The following SYT6 variants were observed in gnomAD, a reference collection of about 807,000 sequenced individuals.
SYT6 encodes synaptotagmin 6.
Under a neutral mutation model 38.4 loss-of-function variants are expected in SYT6, and 24 were observed. The observed-to-expected ratio is 0.62, with a 90% CI of 0.45 to 0.88. SYT6 has a LOEUF of 0.88. SYT6 is among the 40% of genes least tolerant of loss of function. The probability of loss-of-function intolerance (pLI) is 0.00; values close to 1 mark genes in which losing one functional copy is unlikely to be tolerated. For missense variants in SYT6, 611 were observed against 621.0 expected (o/e 0.98, Z 0.17); for synonymous variants, 265 against 241.9 (o/e 1.10, Z -0.89).
At chr1:114,120,540 A>G (rs539787954) in intron 3 of SYT6, among the ~76,000 whole-genome samples, 35 of 152,316 alleles carry the variant, frequency 2.3e-4, no homozygotes, top group African/African-American at 7.2e-4. Flanking sequence ...CGCATGTCCT[A>G]TGAGCTAGCT....
intron 3 of SYT6, among the ~76,000 whole-genome samples, chr1:114,118,569 G>A (rs374885715): frequency 6.6e-6 from 1 of 152,230 alleles, no homozygotes; most frequent in Middle Eastern, 3.2e-3. Context: ...CATCTGGGGA[G>A]GCCACAGCAC....
intron 1 of SYT6, among the ~76,000 whole-genome samples, chr1:114,151,753 G>T (rs1414730884): frequency 6.6e-6 from 1 of 152,134 alleles, no homozygotes; most frequent in Non-Finnish European, 1.5e-5. Flanking sequence ...GCAGGAAGAG[G>T]CTCCCTGATA....
intron 1 of SYT6, among the ~76,000 whole-genome samples, chr1:114,149,240 T>TGTGTGTGTGCGCGCGCGCGCGCGTG (rs369263313): frequency 6.8e-6 from 1 of 146,888 alleles, no homozygotes; most frequent in Admixed American, 6.8e-5. Context: ...TGTGTGTGTG[T>TGTGTGTGTGCGCGCGCGCGCGCGTG]TGGGAGAACA....
intron 3 of SYT6, among the ~76,000 whole-genome samples, chr1:114,122,600 C>T (rs1406655892): frequency 6.6e-6 from 1 of 152,176 alleles, no homozygotes; most frequent in African/African-American, 2.4e-5. Flanking sequence ...TGAGATTCTA[C>T]TTCCCTATCT....
chr1:114,111,030 A>G (rs1024857045), intron 3 of SYT6, among the ~76,000 whole-genome samples: 8 of 152,234 alleles, frequency 5.3e-5, no homozygotes, highest in Non-Finnish European at 1.2e-4. Context: ...GCTCAGAAAC[A>G]GGGCATCCAG....
At chr1:114,112,584 A>G (rs1676750481) in intron 3 of SYT6, among the ~76,000 whole-genome samples, 1 of 152,094 alleles carries the variant, frequency 6.6e-6, no homozygotes, top group South Asian at 2.1e-4. Flanking sequence ...GCTTGAGAGG[A>G]GTGGAGTTTG....
rs1677120439 is a variant in SYT6 at position 114,118,248 on chromosome 1, T to C, written c.1072-14527A>G. ...ATGATAAAGCGCCAAATTAGCTCCA[T>C]TATTGTAACTCCTCCAAAAATTACA... On this transcript the variant is annotated intron_variant, in intron 3 of 7. Coordinates refer to ENST00000610222, the MANE Select transcript of SYT6 (RefSeq NM_001253772.2). Among the ~76,000 whole-genome samples, 4 of 152,226 alleles carry C rather than the reference T, an allele frequency of 2.6e-5. No homozygotes were observed. In the South Asian group the frequency reaches 8.3e-4, roughly 32 times the overall value.
intron 2 of SYT6, among the ~76,000 whole-genome samples, chr1:114,139,393 T>C (rs1329151643): frequency 6.6e-6 from 1 of 152,136 alleles, no homozygotes; most frequent in Admixed American, 6.6e-5. Flanking sequence ...GCAAACCACA[T>C]ATACAGCAAC....
At chr1:114,098,521 A>G (rs776357269) in intron 5 of SYT6, among the ~76,000 whole-genome samples, 1 of 152,182 alleles carries the variant, frequency 6.6e-6, no homozygotes, top group Non-Finnish European at 1.5e-5. Flanking sequence ...GAGGAAGGGG[A>G]GATCCGATTG....
chr1:114,137,585 C>T lies in SYT6; in HGVS notation c.981G>A (p.Met327Ile), dbSNP rs759516642. ...GGTTGTCCAGGATGACCTCGCCAATCATGTCATGGCGGGAGAAGCGGTCAA... is the reference window on the plus strand; with the variant it reads ...GGTTGTCCAGGATGACCTCGCCAATTATGTCATGGCGGGAGAAGCGGTCAA... The part of the protein sequence containing the change: ...FDFDRFSRHD[M>I]IGEVILDNLF... The change falls in exon 3 of 8, where the codon ATG (methionine) becomes ATA (isoleucine). Residue 327 changes from methionine (M) to isoleucine (I), a missense_variant. Transcript: ENST00000610222. The T allele has an allele frequency of 1.9e-6, 3 of 1,614,214 alleles. No individual in the cohort carries two copies. In the East Asian group the frequency reaches 6.7e-5, roughly 36 times the overall value.
chr1:114,141,062 A>G (rs1342511566), intron 1 of SYT6, among the ~76,000 whole-genome samples: 2 of 152,208 alleles, frequency 1.3e-5, no homozygotes, highest in Non-Finnish European at 2.9e-5. Context: ...GAGGCACAAC[A>G]ATATTGAAAT....
intron 3 of SYT6, among the ~76,000 whole-genome samples, chr1:114,133,677 C>T (rs1336317966): frequency 1.3e-5 from 2 of 152,188 alleles, no homozygotes; most frequent in African/African-American, 4.8e-5. Flanking sequence ...AATTTCCATC[C>T]TAGGCCTGAG....
chr1:114,117,928 C>G (rs558601226), intron 3 of SYT6, among the ~76,000 whole-genome samples: 295 of 152,342 alleles, frequency 1.9e-3, no homozygotes, highest in African/African-American at 6.8e-3. Flanking sequence ...ACTGAAGACG[C>G]CTCACAGGGA....
chr1:114,099,232 C>G lies in SYT6; in HGVS notation c.1226G>C (p.Gly409Ala). ...PYVKVSLLCD[G>A]RRLKKKKTTI... ...TGTTTTCTTCTTCTTCAGCCTCCGC[C>G]CATCACAGAGCAAGGACACTTTCAC... is the stretch of plus-strand genomic sequence containing the variant. The change falls in exon 5 of 8, where the codon GGG becomes GCG. Residue 409 changes from glycine (G) to alanine (A), a missense_variant. By Grantham distance (60) the Gly-to-Ala change is moderately conservative. Coordinates refer to ENST00000610222, the MANE Select transcript of SYT6 (RefSeq NM_001253772.2). The G allele has an allele frequency of 6.2e-7, 1 of 1,613,748 alleles. No homozygotes were observed. Among genetic ancestry groups the G allele is most frequent in the Non-Finnish European group, 8.5e-7 (1 of 1,179,826 alleles).
At chr1:114,148,090 GT>G (rs1553185570) in intron 1 of SYT6, among the ~76,000 whole-genome samples, 1 of 152,158 alleles carries the variant, frequency 6.6e-6, no homozygotes, top group Non-Finnish European at 1.5e-5. Context: ...AGACTGTCTG[GT>G]TGGGGTGATG....
chr1:114,151,388 T>G (rs979476748), intron 1 of SYT6, among the ~76,000 whole-genome samples: 1 of 152,068 alleles, frequency 6.6e-6, no homozygotes, highest in African/African-American at 2.4e-5. Flanking sequence ...AGGGAAGGCA[T>G]AGTAATTCAT....
At chr1:114,139,523 TG>T in intron 2 of SYT6, 91 bp downstream of exon 2, 1 of 1,527,706 alleles carries the variant, frequency 6.5e-7, no homozygotes, top group Non-Finnish European at 8.9e-7. Flanking sequence ...TTATTATTTC[TG>T]GTCTGTGATC....
At chr1:114,130,039 T>C (rs1223572597) in intron 3 of SYT6, among the ~76,000 whole-genome samples, 1 of 152,028 alleles carries the variant, frequency 6.6e-6, no homozygotes, top group African/African-American at 2.4e-5. Context: ...GTCTTTTCTC[T>C]CTGCCTGGAC....
chr1:114,134,347 CTT>C (rs954916500), intron 3 of SYT6, among the ~76,000 whole-genome samples: 2 of 152,186 alleles, frequency 1.3e-5, no homozygotes, highest in Admixed American at 6.5e-5. Flanking sequence ...CCAACTGCTT[CTT>C]TAATAGTCTT....
Sources: allele counts gnomAD v4.1 joint callset (sites outside exome capture counted in the v4.1 genomes callset), GRCh38; gene constraint gnomAD v4.1.1; transcripts MANE v1.5; gene names NCBI Gene and HGNC (gene_info 2026-07-23, HGNC 2026-07-21).